Variants in ATP6V0D1 observed in about 807,000 individuals in gnomAD.
ATP6V0D1 encodes the protein ATPase H+ transporting V0 subunit d1, also known as V-type proton ATPase subunit d 1.
A neutral mutation model predicts 39.0 loss-of-function variants in ATP6V0D1; 13 were observed. The observed-to-expected ratio is 0.33, with a 90% CI of 0.22 to 0.53. The LOEUF (loss-of-function observed/expected upper bound fraction) is 0.53, where lower values mean the gene tolerates loss of function less well. Among genes scored for constraint, ATP6V0D1 ranks in the 20% least tolerant of loss-of-function variants. The pLI is 0.94. For synonymous variants in ATP6V0D1, 191 were observed against 191.2 expected, an observed-to-expected ratio of 1.00 and a Z score of 0.01; for missense variants, 272 against 470.9, an observed-to-expected ratio of 0.58 and a Z score of 3.91.
In ATP6V0D1 at chr16:67,447,269, C is replaced by T. The variant is rs912272569; in HGVS notation, c.303-2563G>A. ...CTTCCCTTGCCGGGCTGGCTATAAG[C>T]TTGTTGCTGCTGCAGCCCTGCTTTT... is the stretch of plus-strand genomic sequence containing the variant. On this transcript the variant is annotated intron_variant, in intron 2 of 7. Coordinates refer to ENST00000290949, the MANE Select transcript of ATP6V0D1 (RefSeq NM_004691.5). This position sits in a 1 kb window ranked among gnomAD's most constrained non-coding sequence, Gnocchi z 4.1. 1.3e-5 allele frequency among the ~76,000 whole-genome samples: 2 copies of T among 152,264 alleles called. No individual in the cohort carries two copies. Among genetic ancestry groups the T allele is most frequent in the Non-Finnish European group, 2.9e-5 (2 of 68,040 alleles).
rs1016429278 is a variant in ATP6V0D1, at chr16:67,453,381, C to T, written c.302+163G>A. ...ACCACGCACACAGTCAGGGAGGACT[C>T]TGAAGGTAGGGTCCTGGGACACCTG... On this transcript the variant is annotated intron_variant, in intron 2 of 7. Coordinates refer to ENST00000290949, the MANE Select transcript of ATP6V0D1 (RefSeq NM_004691.5). This position sits in a 1 kb window ranked among gnomAD's most constrained non-coding sequence, Gnocchi z 4.1. Among the ~76,000 whole-genome samples, 2 of 152,222 alleles carry T rather than the reference C, an allele frequency of 1.3e-5. No individual in the cohort carries two copies. The highest frequency in any genetic ancestry group is 1.3e-4 in the Admixed American group (2 of 15,274).
Position 67,480,796 on chromosome 16 carries a change from T to C in ATP6V0D1, c.130+161A>G, listed in dbSNP as rs567845287. 3.9e-5 allele frequency among the ~76,000 whole-genome samples: 6 copies of C among 152,256 alleles called. No homozygotes were observed. The East Asian group carries it at 1.2e-3, about 29-fold the overall frequency. The stretch of plus-strand genomic sequence containing the variant: ...GTTTGGGCCCGCGCCGAGCCACAGC[T>C]AGAGGTAGATCCCGCTCCTGCGCGT... On this transcript the variant is annotated intron_variant, in intron 1 of 7. Transcript: ENST00000290949.
At chr16:67,476,904 G>T (rs1313958550) in intron 1 of ATP6V0D1, among the ~76,000 whole-genome samples, 1 of 151,678 alleles carries the variant, frequency 6.6e-6, no homozygotes, top group Non-Finnish European at 1.5e-5. Context: ...CAGGTGGCGG[G>T]TGCCTGTAAT....
chr16:67,457,760 AC>A (rs2041252678), intron 1 of ATP6V0D1: 1 of 647,296 alleles, frequency 1.5e-6, no homozygotes, highest in Admixed American at 2.4e-5. Flanking sequence ...CCAAGCAAAC[AC>A]CCCTGTGCCT....
intron 2 of ATP6V0D1, chr16:67,452,498 G>A (rs2041192643): frequency 1.7e-6 from 2 of 1,148,482 alleles, no homozygotes; most frequent in Admixed American, 2.0e-5. Flanking sequence ...TGGGGCAGGT[G>A]TGCCAGGTCC....
chr16:67,475,603 C>T (rs2041408272), intron 1 of ATP6V0D1, among the ~76,000 whole-genome samples: 1 of 152,184 alleles, frequency 6.6e-6, no homozygotes, highest in African/African-American at 2.4e-5. Context: ...TTCTTTGCAA[C>T]AGGAGGAAGA....
intron 1 of ATP6V0D1, among the ~76,000 whole-genome samples, chr16:67,469,268 A>G (rs1053725712): frequency 6.6e-6 from 1 of 152,224 alleles, no homozygotes; most frequent in African/African-American, 2.4e-5. Context: ...AGATTGCGCC[A>G]TTGCACTCCA....
At chr16:67,465,909 A>C (rs961862988) in intron 1 of ATP6V0D1, among the ~76,000 whole-genome samples, 1 of 152,160 alleles carries the variant, frequency 6.6e-6, no homozygotes, top group Non-Finnish European at 1.5e-5. Flanking sequence ...AAGCAGAGAG[A>C]GAGCCTGGAT....
At chr16:67,457,689 G>A (rs1281162427) in intron 1 of ATP6V0D1, 20 of 1,266,102 alleles carry the variant, frequency 1.6e-5, no homozygotes, top group Non-Finnish European at 2.1e-5. Flanking sequence ...GAATGAGGGG[G>A]CAAAGCCAAG....
Position 67,481,015 on chromosome 16 carries a change from C to T in ATP6V0D1, c.72G>A (p.Lys24=), listed in dbSNP as rs1376613342. 1 of 1,614,090 alleles carries T rather than the reference C, an allele frequency of 6.2e-7. No homozygotes were observed. Among genetic ancestry groups the T allele is most frequent in the African/African-American group, 1.3e-5 (1 of 74,958 alleles). ...GYLEGLVRGL[K]AGVLSQADYL... ...AGTCGGCCTGGCTGAGCACCCCGGCCTTCAGGCCGCGCACCAGTCCCTCCA... is the reference window on the plus strand; with the variant it reads ...AGTCGGCCTGGCTGAGCACCCCGGCTTTCAGGCCGCGCACCAGTCCCTCCA... The change falls in exon 1 of 8, where the codon AAG becomes AAA. Residue 24 remains lysine, a synonymous_variant. Transcript: ENST00000290949.
rs564213245 is a variant in ATP6V0D1 at position 67,466,470 on chromosome 16, G to A, written c.131-12755C>T. On this transcript the variant is annotated intron_variant, in intron 1 of 7. Coordinates refer to ENST00000290949, the MANE Select transcript of ATP6V0D1 (RefSeq NM_004691.5). The stretch of plus-strand genomic sequence containing the variant: ...CTTGAACACGGGAGGCGGAGGTTGC[G>A]GTGAGCCAAGATTGTGCCATTGCAC... Among the ~76,000 whole-genome samples, 19 of 151,666 alleles carry A rather than the reference G, an allele frequency of 1.3e-4. No individual in the cohort carries two copies. In the South Asian group the frequency reaches 3.5e-3, roughly 28 times the overall value.
chr16:67,481,113 A>T lies in ATP6V0D1; in HGVS notation c.-27T>A. 1 of 1,613,256 alleles carries T rather than the reference A, an allele frequency of 6.2e-7. No homozygotes were observed. The highest frequency in any genetic ancestry group is 8.5e-7 in the Non-Finnish European group (1 of 1,179,462). ...GCTGCTGCGGGAGCGGCGGGACCGG[A>T]GAACCAGGACCGGCCGGCACGAATC... On this transcript the variant is annotated 5_prime_UTR_variant, in exon 1 of 8. Transcript: ENST00000290949.
At chr16:67,478,543 G>C (rs747318508) in intron 1 of ATP6V0D1, among the ~76,000 whole-genome samples, 20 of 151,754 alleles carry the variant, frequency 1.3e-4, no homozygotes, top group Non-Finnish European at 2.9e-4. Flanking sequence ...GAACTGGTGA[G>C]GTGGAGGTTG....
chr16:67,475,549 G>C (rs1190858403), intron 1 of ATP6V0D1, among the ~76,000 whole-genome samples: 2 of 152,184 alleles, frequency 1.3e-5, no homozygotes, highest in Non-Finnish European at 2.9e-5. Flanking sequence ...AGCTCACATG[G>C]AAGCTGAGAA....
At chr16:67,445,512 C>T (rs907365739) in intron 2 of ATP6V0D1, among the ~76,000 whole-genome samples, 24 of 152,326 alleles carry the variant, frequency 1.6e-4, no homozygotes, top group African/African-American at 5.3e-4. Context: ...CCTGCACAGC[C>T]TATGCCAGAG....
intron 4 of ATP6V0D1, chr16:67,441,440 C>G (rs1158381515): frequency 6.6e-6 from 1 of 152,294 alleles, no homozygotes; most frequent in African/African-American, 2.4e-5. Context: ...GCCGGCGACT[C>G]CAGCTAGAAC....
intron 1 of ATP6V0D1, among the ~76,000 whole-genome samples, chr16:67,463,011 TC>T (rs1158255836): frequency 1.3e-5 from 2 of 152,040 alleles, no homozygotes; most frequent in Non-Finnish European, 2.9e-5. Context: ...TTTCTAGGGC[TC>T]CCTAGAGGTG....
At chr16:67,443,987 G>A (rs1013498340) in intron 3 of ATP6V0D1, among the ~76,000 whole-genome samples, 1 of 152,248 alleles carries the variant, frequency 6.6e-6, no homozygotes, top group African/African-American at 2.4e-5. Context: ...AACTAGCACT[G>A]CCTAAGCAGG....
chr16:67,464,898 C>A (rs2041316954), intron 1 of ATP6V0D1, among the ~76,000 whole-genome samples: 1 of 152,278 alleles, frequency 6.6e-6, no homozygotes, highest in Non-Finnish European at 1.5e-5. Flanking sequence ...TGCCACCAAT[C>A]TGCCCAGCGG....
Sources: gnomAD v4.1 joint callset for allele counts (sites outside exome capture counted in the v4.1 genomes callset) on GRCh38, gnomAD v4.1.1 for gene constraint, Gnocchi (gnomAD v3.1) non-coding constraint, MANE v1.5 for transcripts, NCBI Gene and HGNC (gene_info 2026-07-23, HGNC 2026-07-21) for gene names.